TYW1: variants seen among roughly 807,000 people sequenced by gnomAD.
TYW1 encodes tRNA-yW synthesizing protein 1 homolog.
In TYW1, 46 loss-of-function variants were observed where a neutral mutation model predicts 96.2. The observed-to-expected ratio is 0.48, with a 90% confidence interval of 0.38 to 0.61. TYW1 has a LOEUF of 0.61. Ranked by LOEUF, TYW1 falls within the 20% of genes least tolerant of loss-of-function variation. TYW1 has a pLI of 0.00. For missense variants in TYW1, 684 were observed against 909.6 expected, an observed-to-expected ratio of 0.75 and a Z score of 3.19; for synonymous variants, 274 against 323.0, an observed-to-expected ratio of 0.85 and a Z score of 1.63.
At chr7:67,222,215 G>T (rs190971211) in intron 15 of TYW1, among the ~76,000 whole-genome samples, 9 of 151,828 alleles carry the variant, frequency 5.9e-5, no homozygotes, top group African/African-American at 1.9e-4. Context: ...AAAAAGAAAA[G>T]AAAAAAATAT....
chr7:67,180,386 TTATATATATATATATATATTTATA>T (rs1164500508), intron 13 of TYW1, among the ~76,000 whole-genome samples: 4 of 111,598 alleles, frequency 3.6e-5, no homozygotes, highest in Non-Finnish European at 7.1e-5. Context: ...AGCTGTTGGT[TTATATATATATATATATATTTATA>T]TATATATATA....
At chr7:67,047,515 G>C (rs770196161) in intron 7 of TYW1, among the ~76,000 whole-genome samples, 3 of 152,042 alleles carry the variant, frequency 2.0e-5, no homozygotes, top group Non-Finnish European at 4.4e-5. Flanking sequence ...AATTTTTTCA[G>C]CTCCATCCAG....
intron 13 of TYW1, among the ~76,000 whole-genome samples, chr7:67,172,064 T>C (rs956614845): frequency 1.3e-5 from 2 of 152,264 alleles, no homozygotes; most frequent in East Asian, 1.9e-4. Flanking sequence ...TGAAATACAA[T>C]AATTGATATA....
At chr7:67,189,214 G>A (rs913445956) in intron 14 of TYW1, among the ~76,000 whole-genome samples, 53 of 152,290 alleles carry the variant, frequency 3.5e-4, no homozygotes, top group African/African-American at 1.3e-3. Context: ...CAGGAAGGGC[G>A]ACTGTAAATG....
chr7:67,224,288 T>C (rs1327165840), intron 15 of TYW1, among the ~76,000 whole-genome samples: 2 of 152,196 alleles, frequency 1.3e-5, no homozygotes, highest in African/African-American at 4.8e-5. Context: ...CCACCACACG[T>C]GGCTAATTTT....
At chr7:67,155,900 A>G (rs1320896499) in intron 13 of TYW1, among the ~76,000 whole-genome samples, 1 of 150,348 alleles carries the variant, frequency 6.7e-6, no homozygotes, top group Non-Finnish European at 1.5e-5. Flanking sequence ...ATGTATTTAT[A>G]CTATTGGTTG....
At chr7:67,084,321 A>G (rs1316970673) in intron 11 of TYW1, among the ~76,000 whole-genome samples, 1 of 152,216 alleles carries the variant, frequency 6.6e-6, no homozygotes, top group Non-Finnish European at 1.5e-5. Flanking sequence ...GTAATGTGGT[A>G]AAAATTCAGC....
At chr7:67,085,952 A>T (rs1490349622) in intron 11 of TYW1, among the ~76,000 whole-genome samples, 1 of 151,996 alleles carries the variant, frequency 6.6e-6, no homozygotes, top group Non-Finnish European at 1.5e-5. Flanking sequence ...AGCCTGGGTG[A>T]CAAAGTGAGA....
chr7:67,027,841 A>G (rs2129248397), intron 7 of TYW1, among the ~76,000 whole-genome samples: 1 of 151,742 alleles, frequency 6.6e-6, no homozygotes, highest in Middle Eastern at 3.4e-3. Context: ...GAGGCAAGAG[A>G]ATGGCGTGAA....
chr7:67,026,236 C>T (rs1238634799), intron 7 of TYW1, among the ~76,000 whole-genome samples: 3 of 152,064 alleles, frequency 2.0e-5, no homozygotes, highest in Admixed American at 6.6e-5. Context: ...CCACGCTGAG[C>T]TAATTTTTGT....
At chr7:67,054,826 A>G (rs2115584690) in intron 8 of TYW1, among the ~76,000 whole-genome samples, 1 of 152,294 alleles carries the variant, frequency 6.6e-6, no homozygotes, top group Non-Finnish European at 1.5e-5. Context: ...TTGTACTACT[A>G]GTTTGTTTAA....
At chr7:67,015,962 CA>C (rs56663072) in intron 5 of TYW1, among the ~76,000 whole-genome samples, 30,279 of 119,076 alleles carry the variant, frequency 0.25, 2,957 homozygotes, top group Middle Eastern at 0.34. Context: ...GACTATGTCT[CA>C]AAAAAAAAAA....
intron 5 of TYW1, among the ~76,000 whole-genome samples, chr7:67,015,090 C>T (rs1361388146): frequency 6.6e-6 from 1 of 151,560 alleles, no homozygotes. Flanking sequence ...CAACCTCCGC[C>T]TCCCGGGTTC....
At chr7:67,152,578 A>G (rs1398249879) in intron 13 of TYW1, among the ~76,000 whole-genome samples, 1 of 152,094 alleles carries the variant, frequency 6.6e-6, no homozygotes, top group African/African-American at 2.4e-5. Flanking sequence ...CGTGCTGCTT[A>G]CACATATTCA....
chr7:67,109,273 C>CAAAAAAAAAAAA (rs1203625487), intron 12 of TYW1, among the ~76,000 whole-genome samples: 2 of 49,102 alleles, frequency 4.1e-5, no homozygotes, highest in African/African-American at 7.5e-5. Context: ...GACTCCGTCT[C>CAAAAAAAAAAAA]AAAAAAAAAA....
intron 9 of TYW1, among the ~76,000 whole-genome samples, chr7:67,057,246 C>T (rs140191461): frequency 0.028 from 4,322 of 152,074 alleles, 275 homozygotes; most frequent in East Asian, 0.16. Flanking sequence ...ATCTCTTGAC[C>T]TCGTGATCTG....
intron 13 of TYW1, among the ~76,000 whole-genome samples, chr7:67,135,806 G>C (rs1798236982): frequency 6.6e-6 from 1 of 152,008 alleles, no homozygotes; most frequent in South Asian, 2.1e-4. Context: ...TACCACTCAG[G>C]GTTTGCTGTT....
chr7:67,089,315 T>G (rs1796642732), intron 11 of TYW1: 1 of 1,336,568 alleles, frequency 7.5e-7, no homozygotes, highest in Admixed American at 1.8e-5. Flanking sequence ...CTCCTCTGCC[T>G]TTTGGGAGGG....
intron 11 of TYW1, among the ~76,000 whole-genome samples, chr7:67,094,389 A>G (rs1796822287): frequency 6.6e-6 from 1 of 151,894 alleles, no homozygotes; most frequent in African/African-American, 2.4e-5. Context: ...GCTAGGTTGG[A>G]TGGTAGTTCT....
Sources: gnomAD v4.1 joint callset for allele counts (sites outside exome capture counted in the v4.1 genomes callset) on GRCh38, gnomAD v4.1.1 for gene constraint, MANE v1.5 for transcripts, NCBI Gene and HGNC (gene_info 2026-07-23, HGNC 2026-07-21) for gene names.